The following TSPEAR variants were observed in gnomAD, a reference collection of about 807,000 sequenced individuals.
TSPEAR encodes the protein thrombospondin type laminin G domain and EAR repeats.
A neutral mutation model predicts 71.6 loss-of-function variants in TSPEAR; 69 were observed. The ratio of observed to expected loss-of-function variants is 0.96; its 90% confidence interval spans 0.79 to 1.18. TSPEAR has a LOEUF of 1.18. Ranked by LOEUF, TSPEAR falls within the 50% of genes most tolerant of loss-of-function variation. TSPEAR has a pLI of 0.00. For missense variants in TSPEAR, 971 were observed against 894.9 expected (o/e 1.09, Z -1.09); for synonymous variants, 402 against 387.2 (o/e 1.04, Z -0.45).
In TSPEAR at chr21:44,509,196, T is replaced by C. The variant is rs781908192; in HGVS notation, c.1754+3A>G. The C allele has an allele frequency of 8.1e-6, 13 of 1,613,072 alleles. No individual in the cohort carries two copies. Among genetic ancestry groups the C allele is most frequent in the Non-Finnish European group, 1.1e-5 (13 of 1,179,420 alleles). ...CCTCCCACTGGCCTGTGGAGGCGCA[T>C]ACCTGCAGGTGAGAATGTCCTGGAA... On this transcript the variant is annotated splice_donor_region_variant and intron_variant, in intron 10 of 11. Transcript: ENST00000323084.
chr21:44,667,390 T>G (rs1985844259), intron 1 of TSPEAR, among the ~76,000 whole-genome samples: 1 of 152,176 alleles, frequency 6.6e-6, no homozygotes, highest in Admixed American at 6.5e-5. Flanking sequence ...AGCTAGCAGA[T>G]GGAGGAAGAA....
rs139067762 is a variant in TSPEAR at position 44,521,985 on chromosome 21, C to G, written c.1464G>C (p.Ser488=). The G allele has an allele frequency of 1.9e-6, 3 of 1,613,998 alleles. No individual in the cohort carries two copies. The African/African-American group carries it at 4.0e-5, about 22-fold the overall frequency. Residue 488 remains serine, a synonymous_variant, in exon 9 of 12, where the codon TCG becomes TCC. Transcript: ENST00000323084. ...TGAAGGTGTTGGCCACCACCAGGAA[C>G]GAGTAGGGCCCCACACTGAAGAACT... ...DWEFFSVGPY[S]FLVVANTFNG... is the part of the protein sequence containing the mutation.
rs2052198381 is a variant in TSPEAR, at chr21:44,506,247, C to T, written c.1755-1366G>A. Among the ~76,000 whole-genome samples the T allele has an allele frequency of 6.6e-6, 1 of 152,246 alleles. No homozygotes were observed. Among genetic ancestry groups the T allele is most frequent in the Non-Finnish European group, 1.5e-5 (1 of 68,038 alleles). On this transcript the variant is annotated intron_variant, in intron 10 of 11. Transcript: ENST00000323084. The surrounding 1 kb of genome is among the most constrained non-coding windows in gnomAD (Gnocchi z 4.2). The stretch of plus-strand genomic sequence containing the variant: ...TCGGTTTGAGGGGTCTGAGGAGCGG[C>T]TCCCCTGGATCCTTTCCTCCCCAGG...
At chr21:44,605,126 A>G (rs1981226792) in intron 1 of TSPEAR, among the ~76,000 whole-genome samples, 1 of 152,250 alleles carries the variant, frequency 6.6e-6, no homozygotes, top group Admixed American at 6.5e-5. Flanking sequence ...AAGTTAAAAA[A>G]TCAACATACA....
chr21:44,603,963 GGGGAGACTGCGGGCTCACT>G lies in TSPEAR; in HGVS notation c.83-35977_83-35959del, dbSNP rs587621364. Among the ~76,000 whole-genome samples the G allele has an allele frequency of 1.3e-3, 191 of 152,350 alleles. No individual in the cohort carries two copies. The Middle Eastern group carries it at 0.014, about 11-fold the overall frequency. ...AGAGAAGCCACCTGTGGGGCATCAC[GGGGAGACTGCGGGCTCACT>G]GTCTCCCTCCTGGGCACGTGGGCTG... is the stretch of plus-strand genomic sequence containing the variant. On this transcript the variant is annotated intron_variant, in intron 1 of 11. Coordinates refer to ENST00000323084, the MANE Select transcript of TSPEAR (RefSeq NM_144991.3).
chr21:44,700,673 T>C (rs1555951410), intron 1 of TSPEAR, among the ~76,000 whole-genome samples: 1 of 152,220 alleles, frequency 6.6e-6, no homozygotes, highest in East Asian at 1.9e-4. Flanking sequence ...CCCTCAGCAG[T>C]GTCTGGTTAA....
Position 44,520,818 on chromosome 21 carries a change from C to T in TSPEAR, c.1566+1065G>A, listed in dbSNP as rs1249711075. The T allele has an allele frequency of 6.6e-6, 1 of 152,272 alleles. No individual in the cohort carries two copies. Among genetic ancestry groups the T allele is most frequent in the Admixed American group, 6.5e-5 (1 of 15,280 alleles). 9.4% of individuals were successfully genotyped at this position (152,272 alleles called of 1,614,324 possible). On this transcript the variant is annotated intron_variant, in intron 9 of 11. Coordinates refer to ENST00000323084, the MANE Select transcript of TSPEAR (RefSeq NM_144991.3). This position sits in a 1 kb window ranked among gnomAD's most constrained non-coding sequence, Gnocchi z 4.2. The stretch of plus-strand genomic sequence containing the variant: ...CCTTCAATCATTTCAGCCATAAAGC[C>T]CCACCCACCACATGCACAGCTTCTT...
chr21:44,528,546 C>T lies in TSPEAR; in HGVS notation c.828G>A (p.Pro276=), dbSNP rs371022077. The T allele has an allele frequency of 9.3e-5, 150 of 1,614,006 alleles. No homozygotes were observed. The highest frequency in any genetic ancestry group is 3.1e-4 in the African/African-American group (23 of 74,936). Residue 276 remains proline, a synonymous_variant, in exon 6 of 12, where the codon CCG becomes CCA. Transcript: ENST00000323084. ...NIRVTLGPQP[P]CTEVEDAQFW... is the part of the protein sequence containing the mutation. ...ACTGGGCGTCTTCCACCTCGGTACACGGTGGCTGGGGTCCCAGCGTCACTC... is the reference window on the plus strand; with the variant it reads ...ACTGGGCGTCTTCCACCTCGGTACATGGTGGCTGGGGTCCCAGCGTCACTC...
intron 1 of TSPEAR, chr21:44,637,476 T>A (rs2838602): frequency 0.73 from 1,182,561 of 1,612,540 alleles, 435,883 homozygotes; most frequent in African/African-American, 0.89. Context: ...TGGCGGGTAG[T>A]CGACTGCCCA....
chr21:44,558,534 G>C, intron 2 of TSPEAR: 2 of 1,613,392 alleles, frequency 1.2e-6, no homozygotes, highest in Non-Finnish European at 8.5e-7. Flanking sequence ...GGGCTCACAG[G>C]CCGCCTGGCA....
intron 1 of TSPEAR, chr21:44,601,850 G>A (rs765393276): frequency 7.2e-7 from 1 of 1,397,980 alleles, no homozygotes; most frequent in Non-Finnish European, 9.6e-7. Flanking sequence ...GGACGTCAGT[G>A]GTCAGCTGGC....
At position 44,669,811 on chromosome 21, in the gene TSPEAR, A is replaced by T. The variant is rs188724238; in HGVS notation, c.82+41622T>A. ...CCCCCAGAGGTCCTACCCCCAGAAC[A>T]CTAACAAACAAATTGTGGAATAGGT... On this transcript the variant is annotated intron_variant, in intron 1 of 11. Coordinates refer to ENST00000323084, the MANE Select transcript of TSPEAR (RefSeq NM_144991.3). Among the ~76,000 whole-genome samples, 362 of 152,236 alleles carry T rather than the reference A, an allele frequency of 2.4e-3. 3 individuals carry two copies. The highest frequency in any genetic ancestry group is 7.8e-3 in the African/African-American group (323 of 41,536).
chr21:44,543,164 G>A (rs1346424317), intron 2 of TSPEAR, among the ~76,000 whole-genome samples: 1 of 151,834 alleles, frequency 6.6e-6, no homozygotes, highest in Non-Finnish European at 1.5e-5. Context: ...ATGAAAACAA[G>A]CACAGATGAA....
intron 1 of TSPEAR, among the ~76,000 whole-genome samples, chr21:44,664,722 C>T (rs1293581872): frequency 6.6e-6 from 1 of 152,204 alleles, no homozygotes; most frequent in Non-Finnish European, 1.5e-5. Context: ...TAGCATATGA[C>T]CCAGCTATTC....
rs587639304 is a variant in TSPEAR at position 44,513,738 on chromosome 21, G to C, written c.1567-4352C>G. 1.2e-3 allele frequency among the ~76,000 whole-genome samples: 189 copies of C among 152,328 alleles called. 1 individual carries two copies. The highest frequency in any genetic ancestry group is 2.5e-3 in the Admixed American group (39 of 15,308). On this transcript the variant is annotated intron_variant, in intron 9 of 11. Transcript: ENST00000323084. ...TTCCGGCTTTGATAGGGCAAAGAAA[G>C]AGGATGCCTCTGTGGTCTGGGAATG...
At chr21:44,636,392 C>T (rs1217581036) in intron 1 of TSPEAR, among the ~76,000 whole-genome samples, 1 of 152,168 alleles carries the variant, frequency 6.6e-6, no homozygotes, top group Admixed American at 6.5e-5. Flanking sequence ...GGCAGGGGTA[C>T]AGGTAGGGGG....
At chr21:44,596,176 G>C (rs1331678532) in intron 1 of TSPEAR, among the ~76,000 whole-genome samples, 2 of 152,232 alleles carry the variant, frequency 1.3e-5, no homozygotes, top group African/African-American at 4.8e-5. Context: ...TTTGTCACCA[G>C]CTGTCAACTG....
Position 44,709,262 on chromosome 21 carries a change from G to C in TSPEAR, c.82+2171C>G, listed in dbSNP as rs536131805. Among the ~76,000 whole-genome samples the C allele has an allele frequency of 4.6e-4, 70 of 152,364 alleles. No individual in the cohort carries two copies. The South Asian group carries it at 0.014, about 30-fold the overall frequency. On this transcript the variant is annotated intron_variant, in intron 1 of 11. Transcript: ENST00000323084. Reference sequence around the variant, plus strand: ...CCTAGGGCGCAGCCCACTCTCCTGGGTCCGCAGCATCACGCAGCCCGGACC... The same window carrying C: ...CCTAGGGCGCAGCCCACTCTCCTGGCTCCGCAGCATCACGCAGCCCGGACC...
chr21:44,571,227 C>T (rs782033999), intron 1 of TSPEAR, among the ~76,000 whole-genome samples: 14 of 152,164 alleles, frequency 9.2e-5, no homozygotes, highest in South Asian at 2.1e-4. Context: ...AAGGACAATA[C>T]GTTGTAGAGA....
Sources: gnomAD v4.1 joint callset for allele counts (sites outside exome capture counted in the v4.1 genomes callset) on GRCh38, gnomAD v4.1.1 for gene constraint, Gnocchi (gnomAD v3.1) non-coding constraint, MANE v1.5 for transcripts, NCBI Gene and HGNC (gene_info 2026-07-23, HGNC 2026-07-21) for gene names.